PCDHA9: variants seen among roughly 807,000 people sequenced by gnomAD.
The protein encoded by PCDHA9 is protocadherin alpha 9.
In PCDHA9, 62 loss-of-function variants were observed where a neutral mutation model predicts 62.0. That is an observed-to-expected ratio of 1.00 (90% CI 0.81 to 1.23). The LOEUF (loss-of-function observed/expected upper bound fraction) is 1.23, where lower values mean the gene tolerates loss of function less well. Among genes scored for constraint, PCDHA9 ranks in the 50% most tolerant of loss-of-function variants. The pLI is 0.00. For synonymous variants in PCDHA9, 557 were observed against 567.6 expected, an observed-to-expected ratio of 0.98 and a Z score of 0.27; for missense variants, 1,205 against 1,249.8, an observed-to-expected ratio of 0.96 and a Z score of 0.54.
intron 1 of PCDHA9, among the ~76,000 whole-genome samples, chr5:140,932,531 G>A (rs1379233805): frequency 4.6e-5 from 7 of 151,752 alleles, no homozygotes; most frequent in Non-Finnish European, 8.9e-5. Context: ...TGGCATTCAA[G>A]GTGCTTTATT....
At chr5:140,854,786 T>C (rs1450624058) in intron 1 of PCDHA9, 1 of 149,564 alleles carries the variant, frequency 6.7e-6, no homozygotes, top group Admixed American at 6.7e-5. Context: ...TTCAAGAACT[T>C]TGAGAGAGAA....
chr5:140,929,124 C>A (rs2085843450), intron 1 of PCDHA9: 5 of 1,614,048 alleles, frequency 3.1e-6, no homozygotes, highest in Admixed American at 3.3e-5. Context: ...CCATAGATGT[C>A]ACTACAGTTG....
chr5:140,927,758 A>G (rs781942462), intron 1 of PCDHA9: 1 of 1,614,170 alleles, frequency 6.2e-7, no homozygotes, highest in Non-Finnish European at 8.5e-7. Flanking sequence ...GTGCACCCTA[A>G]AAGTGGGGAG....
intron 1 of PCDHA9, among the ~76,000 whole-genome samples, chr5:140,874,013 A>C (rs2054638776): frequency 6.6e-6 from 1 of 152,248 alleles, no homozygotes; most frequent in Non-Finnish European, 1.5e-5. Flanking sequence ...ACCACTTTTG[A>C]AAATGAAAAA....
chr5:141,000,393 CTCTATATATATA>C (rs1208951211), intron 3 of PCDHA9, among the ~76,000 whole-genome samples: 9 of 52,848 alleles, frequency 1.7e-4, no homozygotes, highest in African/African-American at 6.4e-4. Context: ...CTCTCTCTCT[CTCTATATATATA>C]TATATATATA....
chr5:140,874,732 C>T (rs1338972564), intron 1 of PCDHA9, among the ~76,000 whole-genome samples: 1 of 152,186 alleles, frequency 6.6e-6, no homozygotes, highest in Non-Finnish European at 1.5e-5. Context: ...TTATCACATT[C>T]AAGCATCAAG....
At chr5:140,911,037 C>A (rs1432446373) in intron 1 of PCDHA9, among the ~76,000 whole-genome samples, 3 of 152,012 alleles carry the variant, frequency 2.0e-5, no homozygotes, top group Non-Finnish European at 4.4e-5. Context: ...GGTCTAGAAG[C>A]AAACAGGGGT....
intron 1 of PCDHA9, chr5:140,968,562 C>T (rs1210264786): frequency 4.3e-6 from 7 of 1,614,090 alleles, no homozygotes; most frequent in Non-Finnish European, 8.5e-7. Context: ...CGAACTGCCC[C>T]TGCTGGCTAC....
intron 1 of PCDHA9, chr5:140,927,184 G>A (rs781951426): frequency 1.2e-6 from 2 of 1,614,160 alleles, no homozygotes; most frequent in South Asian, 1.1e-5. Context: ...CTTGACCTAC[G>A]ACCTGGTGCT....
rs138092357 is a variant in PCDHA9 at position 140,856,175 on chromosome 5, T to C, written c.2394+5286T>C. On this transcript the variant is annotated intron_variant, in intron 1 of 3. Transcript: ENST00000532602. The stretch of plus-strand genomic sequence containing the variant: ...CTACGAGGAGGCCAGACACGGCACC[T>C]TCGTGGGCCGCATCGCGCAGGACCT... The C allele has an allele frequency of 1.5e-4, 244 of 1,598,214 alleles. 13 individuals are homozygous for C. The African/African-American group carries it at 2.9e-3, about 19-fold the overall frequency.
chr5:140,907,252 A>C (rs1459023391), intron 1 of PCDHA9, among the ~76,000 whole-genome samples: 3 of 152,152 alleles, frequency 2.0e-5, no homozygotes, highest in African/African-American at 7.2e-5. Flanking sequence ...TGTAATTGTG[A>C]CTTCAAAAGG....
chr5:141,002,975 A>G (rs188944079), intron 3 of PCDHA9, among the ~76,000 whole-genome samples: 1 of 152,338 alleles, frequency 6.6e-6, no homozygotes, highest in Admixed American at 6.5e-5. Context: ...TGAAAATAGT[A>G]TCCTTGGTCA....
chr5:141,009,825 T>A lies in PCDHA9; in HGVS notation c.2741T>A (p.Ile914Lys). ...AGCCAAATTGACAAAAGTGACTTCA[T>A]AACCTTCGGCAAAAAGGAGGAGACC... ...TNSQIDKSDF[I>K]TFGKKEETKK... is the part of the protein sequence containing the mutation. The change falls in exon 4 of 4, where the codon ATA (isoleucine) becomes AAA (lysine). Residue 914 changes from isoleucine to lysine, a missense_variant. Physicochemically the swap from Ile to Lys is moderately radical, Grantham distance 102. This residue lies in a region of PCDHA9 where 887 missense variants were observed against 809.5 expected (regional missense o/e 1.10). Coordinates refer to ENST00000532602, the MANE Select transcript of PCDHA9 (RefSeq NM_031857.2). 2 of 1,613,774 alleles carry A rather than the reference T, an allele frequency of 1.2e-6. No homozygotes were observed.
chr5:140,941,201 TCC>T lies in PCDHA9; in HGVS notation c.2395-37747_2395-37746del, dbSNP rs1554213890. On this transcript the variant is annotated intron_variant, in intron 1 of 3. Coordinates refer to ENST00000532602, the MANE Select transcript of PCDHA9 (RefSeq NM_031857.2). The stretch of plus-strand genomic sequence containing the variant: ...ATCCTGCTTCTTTTTTTTTCTTTCT[TCC>T]TTTCTTTCTTCCTTTCTTTCTTTCT... 4.9e-3 allele frequency among the ~76,000 whole-genome samples: 512 copies of T among 103,578 alleles called. 4 individuals are homozygous for T. The highest frequency in any genetic ancestry group is 7.0e-3 in the African/African-American group (178 of 25,432). 68.0% of individuals were successfully genotyped at this position (103,578 alleles called of 152,430 possible). A position where few individuals can be genotyped will look rare whatever the true frequency, so the allele number is the denominator to read the frequency against.
intron 1 of PCDHA9, chr5:140,869,862 A>G: frequency 3.7e-6 from 6 of 1,610,466 alleles, no homozygotes; most frequent in Non-Finnish European, 5.1e-6. Flanking sequence ...GCCTTATGGA[A>G]AATGCTGCTA....
intron 1 of PCDHA9, among the ~76,000 whole-genome samples, chr5:140,975,318 C>T (rs1554236746): frequency 6.6e-6 from 1 of 152,198 alleles, no homozygotes; most frequent in Admixed American, 6.5e-5. Flanking sequence ...TTATGTCAGT[C>T]CCATCCAGAT....
At chr5:140,900,538 A>G (rs1341812228) in intron 1 of PCDHA9, among the ~76,000 whole-genome samples, 1 of 152,162 alleles carries the variant, frequency 6.6e-6, no homozygotes, top group Non-Finnish European at 1.5e-5. Context: ...CGGCTTTCCA[A>G]AGTGCTGGGA....
chr5:140,856,147 A>T lies in PCDHA9; in HGVS notation c.2394+5258A>T, dbSNP rs142037616. ...TGGGGAGCGGCCAGCTCCACTACTC[A>T]GTCTACGAGGAGGCCAGACACGGCA... is the stretch of plus-strand genomic sequence containing the variant. On this transcript the variant is annotated intron_variant, in intron 1 of 3. Transcript: ENST00000532602. 363 of 1,598,234 alleles carry T rather than the reference A, an allele frequency of 2.3e-4. 22 individuals are homozygous for T. In the African/African-American group the frequency reaches 3.7e-3, roughly 16 times the overall value.
At chr5:140,882,336 C>A (rs781805621) in intron 1 of PCDHA9, 31 of 1,614,044 alleles carry the variant, frequency 1.9e-5, no homozygotes, top group Non-Finnish European at 2.5e-5. Flanking sequence ...ATCCTCGCAG[C>A]CTGGGAGACG....
Sources: allele counts gnomAD v4.1 joint callset (sites outside exome capture counted in the v4.1 genomes callset), GRCh38; gene constraint gnomAD v4.1.1; regional missense constraint gnomAD v4.1.1; transcripts MANE v1.5; gene names NCBI Gene and HGNC (gene_info 2026-07-23, HGNC 2026-07-21).